AUTS2: variants seen among roughly 807,000 people sequenced by gnomAD.
AUTS2 encodes the protein autism susceptibility gene 2 protein.
AUTS2 carries 17 observed loss-of-function variants against 112.4 expected under a neutral mutation model. That is an observed-to-expected ratio of 0.15 (90% confidence interval 0.10 to 0.23). The LOEUF (loss-of-function observed/expected upper bound fraction) is 0.23, where lower values mean the gene tolerates loss of function less well. Ranked by LOEUF, AUTS2 falls within the 10% of genes least tolerant of loss-of-function variation. AUTS2 has a pLI of 1.00. For synonymous variants in AUTS2, 751 were observed against 702.7 expected, an observed-to-expected ratio of 1.07 and a Z score of -1.09; for missense variants, 1,510 against 1,701.6, an observed-to-expected ratio of 0.89 and a Z score of 1.98.
chr7:70,431,083 C>T (rs1443346854), intron 4 of AUTS2, among the ~76,000 whole-genome samples: 2 of 151,954 alleles, frequency 1.3e-5, no homozygotes, highest in Non-Finnish European at 1.5e-5. Flanking sequence ...GTGATCCGCC[C>T]GCCTCGGCCT....
At position 70,669,051 on chromosome 7, in the gene AUTS2, G is replaced by A. The variant is rs569681152; in HGVS notation, c.691-29518G>A. On this transcript the variant is annotated intron_variant, in intron 5 of 18. Transcript: ENST00000342771. ...CCCCTTGTATTTTCTTTTCATTGTC[G>A]TAATGATTTGTAAAATTCCAGAAAT... is the stretch of plus-strand genomic sequence containing the variant. Among the ~76,000 whole-genome samples the A allele has an allele frequency of 9.2e-5, 14 of 152,312 alleles. No individual in the cohort carries two copies. The East Asian group carries it at 1.2e-3, about 13-fold the overall frequency.
chr7:69,947,370 G>A (rs372159092), intron 2 of AUTS2, among the ~76,000 whole-genome samples: 2 of 152,148 alleles, frequency 1.3e-5, no homozygotes, highest in Admixed American at 6.5e-5. Context: ...GCCACTGATC[G>A]TCTCAGTGTA....
At chr7:70,068,178 CTTTT>C in intron 2 of AUTS2, among the ~76,000 whole-genome samples, 1 of 137,716 alleles carries the variant, frequency 7.3e-6, no homozygotes. Flanking sequence ...TTTTTTTTTT[CTTTT>C]TTTTTTTTTT....
chr7:69,987,654 G>C (rs1167987773), intron 2 of AUTS2, among the ~76,000 whole-genome samples: 1 of 152,034 alleles, frequency 6.6e-6, no homozygotes, highest in Non-Finnish European at 1.5e-5. Flanking sequence ...TATTTTAATA[G>C]AGACCAGGTC....
Position 69,863,100 on chromosome 7 carries a change from C to A in AUTS2, c.310-36186C>A, listed in dbSNP as rs951966215. Reference sequence around the variant, plus strand: ...GGTGGTGATAGGGTGTACATTCTTACATACACATATGTGTATATTTGTATA... The same window carrying A: ...GGTGGTGATAGGGTGTACATTCTTAAATACACATATGTGTATATTTGTATA... On this transcript the variant is annotated intron_variant, in intron 1 of 18. Transcript: ENST00000342771. Among the ~76,000 whole-genome samples the A allele has an allele frequency of 1.2e-4, 18 of 152,226 alleles. No individual in the cohort carries two copies. The East Asian group carries it at 2.9e-3, about 24-fold the overall frequency.
intron 2 of AUTS2, among the ~76,000 whole-genome samples, chr7:70,086,688 T>G (rs886210409): frequency 1.3e-5 from 2 of 151,984 alleles, no homozygotes; most frequent in Non-Finnish European, 2.9e-5. Context: ...TTACAAATAT[T>G]TCACAACCTT....
chr7:70,718,500 A>C (rs544965586), intron 6 of AUTS2, among the ~76,000 whole-genome samples: 228 of 152,264 alleles, frequency 1.5e-3, no homozygotes, highest in Non-Finnish European at 2.8e-3. Flanking sequence ...CCGTCTCTAC[A>C]AAAATACAAA....
chr7:70,309,401 G>A (rs1450689949), intron 4 of AUTS2, among the ~76,000 whole-genome samples: 1 of 152,084 alleles, frequency 6.6e-6, no homozygotes, highest in Non-Finnish European at 1.5e-5. Flanking sequence ...ATGAAGAGTA[G>A]GGCATTAGAG....
chr7:70,111,176 G>A (rs1302227418), intron 2 of AUTS2, among the ~76,000 whole-genome samples: 1 of 152,084 alleles, frequency 6.6e-6, no homozygotes, highest in Non-Finnish European at 1.5e-5. Flanking sequence ...ACCGCGCCCA[G>A]CCCTAACTTT....
chr7:69,786,327 A>C (rs978755442), intron 1 of AUTS2, among the ~76,000 whole-genome samples: 1 of 152,228 alleles, frequency 6.6e-6, no homozygotes, highest in Non-Finnish European at 1.5e-5. Context: ...TAAATGCACC[A>C]GTCAGCACTC....
chr7:70,785,846 G>C lies in AUTS2; in HGVS notation c.2225-109G>C, dbSNP rs139882942. On this transcript the variant is annotated intron_variant, in intron 16 of 18. Coordinates refer to ENST00000342771, the MANE Select transcript of AUTS2 (RefSeq NM_015570.4). Reference sequence around the variant, plus strand: ...GTAGGAAAAGTGGGACAGGCCAGGTGGGGGCGTAGAGAGGGCAGGGATCCC... The same window carrying C: ...GTAGGAAAAGTGGGACAGGCCAGGTCGGGGCGTAGAGAGGGCAGGGATCCC... 4.1e-4 allele frequency: 400 copies of C among 973,846 alleles called. 3 individuals carry two copies. In the African/African-American group the frequency reaches 5.9e-3, roughly 14 times the overall value. The allele number at this position is 973,846 out of a possible 1,614,324, so 60.3% of individuals were successfully genotyped here.
chr7:70,513,455 A>G (rs987148871), intron 5 of AUTS2, among the ~76,000 whole-genome samples: 2 of 152,192 alleles, frequency 1.3e-5, no homozygotes, highest in African/African-American at 4.8e-5. Context: ...TGAGGATGTA[A>G]TAAGGGGACA....
At chr7:70,261,566 T>C (rs575593465) in intron 4 of AUTS2, among the ~76,000 whole-genome samples, 2 of 152,320 alleles carry the variant, frequency 1.3e-5, no homozygotes, top group South Asian at 2.1e-4. Context: ...TCCAGAGAAA[T>C]ATTAGGTATT....
intron 5 of AUTS2, among the ~76,000 whole-genome samples, chr7:70,623,670 C>T (rs10486866): frequency 0.11 from 16,158 of 152,212 alleles, 1,037 homozygotes; most frequent in Middle Eastern, 0.21. Context: ...GATCTAAAGC[C>T]ATTCCTTATG....
chr7:69,962,486 AAT>A (rs1426015710), intron 2 of AUTS2, among the ~76,000 whole-genome samples: 1 of 152,206 alleles, frequency 6.6e-6, no homozygotes, highest in East Asian at 1.9e-4. Context: ...TTTTCTGCTG[AAT>A]AGCAGATTGT....
intron 1 of AUTS2, among the ~76,000 whole-genome samples, chr7:69,797,724 G>A (rs1247700479): frequency 6.6e-6 from 1 of 151,960 alleles, no homozygotes; most frequent in African/African-American, 2.4e-5. Flanking sequence ...AACACTATAA[G>A]GTTATGTCTT....
At chr7:70,070,602 AC>A (rs961391170) in intron 2 of AUTS2, among the ~76,000 whole-genome samples, 1 of 151,712 alleles carries the variant, frequency 6.6e-6, no homozygotes, top group African/African-American at 2.4e-5. Flanking sequence ...GCAGTGGCTT[AC>A]GCCTATAATC....
rs1792495153 is a variant in AUTS2, at chr7:70,364,879, G to A, written c.661-70873G>A. Among the ~76,000 whole-genome samples, 4 of 152,092 alleles carry A rather than the reference G, an allele frequency of 2.6e-5. No individual in the cohort carries two copies. The South Asian group carries it at 8.3e-4, about 31-fold the overall frequency. On this transcript the variant is annotated intron_variant, in intron 4 of 18. Coordinates refer to ENST00000342771, the MANE Select transcript of AUTS2 (RefSeq NM_015570.4). ...AGGAAATAAAATATTTTTTATTTATGGATAAGTCTTGATACTAAAATGCTA... is the reference window on the plus strand; with the variant it reads ...AGGAAATAAAATATTTTTTATTTATAGATAAGTCTTGATACTAAAATGCTA...
intron 5 of AUTS2, among the ~76,000 whole-genome samples, chr7:70,691,094 G>A (rs1208342976): frequency 1.3e-5 from 2 of 152,094 alleles, no homozygotes; most frequent in African/African-American, 2.4e-5. Context: ...ATATTTTAAC[G>A]TAGCTTTACA....
Sources: gnomAD v4.1 joint callset for allele counts (sites outside exome capture counted in the v4.1 genomes callset) on GRCh38, gnomAD v4.1.1 for gene constraint, MANE v1.5 for transcripts, NCBI Gene and HGNC (gene_info 2026-07-23, HGNC 2026-07-21) for gene names.